Variants in TENM4 observed in about 807,000 individuals in gnomAD.
TENM4 encodes teneurin-4.
Under a neutral mutation model 243.3 loss-of-function variants are expected in TENM4, and 82 were observed. That is an observed-to-expected ratio of 0.34 (90% CI 0.28 to 0.40). TENM4 has a LOEUF of 0.40. Among genes scored for constraint, TENM4 ranks in the 10% least tolerant of loss-of-function variants. The pLI is 1.00. For missense variants in TENM4, 3,138 were observed against 3,673.3 expected (o/e 0.85, Z 3.77); for synonymous variants, 1,412 against 1,456.3 (o/e 0.97, Z 0.69).
chr11:79,005,849 C>T (rs1294000858), intron 6 of TENM4, among the ~76,000 whole-genome samples: 18 of 152,172 alleles, frequency 1.2e-4, no homozygotes, highest in Non-Finnish European at 5.9e-5. Flanking sequence ...GAAAACTCCA[C>T]AGTTTCTACC....
intron 13 of TENM4, 79 bp from the exon 14 acceptor site, chr11:78,812,395 C>T (rs1857519366): frequency 1.2e-5 from 18 of 1,492,650 alleles, no homozygotes; most frequent in Non-Finnish European, 1.6e-5. Flanking sequence ...CTCCTCCTGG[C>T]CTGCCTGGCT....
chr11:79,345,957 A>G (rs755697786), intron 1 of TENM4, among the ~76,000 whole-genome samples: 7 of 152,338 alleles, frequency 4.6e-5, no homozygotes, highest in Non-Finnish European at 1.0e-4. Context: ...ACTTATTGAA[A>G]TAGATTCTCA....
intron 21 of TENM4, among the ~76,000 whole-genome samples, chr11:78,732,022 A>C (rs1357795718): frequency 6.6e-6 from 1 of 152,248 alleles, no homozygotes; most frequent in Non-Finnish European, 1.5e-5. Context: ...AAAGGAAAGT[A>C]GGCAGAAGTG....
intron 32 of TENM4, among the ~76,000 whole-genome samples, chr11:78,663,033 G>A (rs1361036829): frequency 1.3e-5 from 2 of 152,194 alleles, no homozygotes; most frequent in Admixed American, 6.5e-5. Flanking sequence ...AGCTCAGCAA[G>A]GTTGAGAAAG....
chr11:78,866,563 G>C (rs1309856047), intron 9 of TENM4, among the ~76,000 whole-genome samples: 2 of 151,182 alleles, frequency 1.3e-5, no homozygotes, highest in Non-Finnish European at 2.9e-5. Flanking sequence ...TCCCAGGGAA[G>C]TTAATGAGGG....
intron 3 of TENM4, among the ~76,000 whole-genome samples, chr11:79,150,656 G>T (rs1358030520): frequency 6.6e-6 from 1 of 151,996 alleles, no homozygotes; most frequent in Non-Finnish European, 1.5e-5. Context: ...GGCCTCTCTG[G>T]GTCATTTGCT....
chr11:79,377,569 T>A (rs1017030319), intron 1 of TENM4, among the ~76,000 whole-genome samples: 1 of 152,176 alleles, frequency 6.6e-6, no homozygotes, highest in African/African-American at 2.4e-5. Flanking sequence ...GACACATACA[T>A]GCAATCCCTA....
chr11:78,932,866 A>C (rs1220100724), intron 6 of TENM4, among the ~76,000 whole-genome samples: 2 of 152,154 alleles, frequency 1.3e-5, no homozygotes, highest in Non-Finnish European at 2.9e-5. Flanking sequence ...CAGGAGGCGG[A>C]GCTCAGGTGG....
chr11:78,691,338 G>A (rs567957312), intron 28 of TENM4, among the ~76,000 whole-genome samples: 2 of 152,286 alleles, frequency 1.3e-5, no homozygotes, highest in East Asian at 1.9e-4. Context: ...AGAGAGGACC[G>A]GCAGGGAATG....
intron 17 of TENM4, among the ~76,000 whole-genome samples, chr11:78,772,125 C>T (rs1856658624): frequency 6.6e-6 from 1 of 152,094 alleles, no homozygotes; most frequent in African/African-American, 2.4e-5. Context: ...AAGGGTCAGG[C>T]AATATTTAGA....
chr11:79,332,523 C>T (rs898688875), intron 1 of TENM4, among the ~76,000 whole-genome samples: 2 of 152,072 alleles, frequency 1.3e-5, no homozygotes, highest in African/African-American at 2.4e-5. Flanking sequence ...GCCGGCCCAC[C>T]GAAATCCATC....
intron 4 of TENM4, among the ~76,000 whole-genome samples, chr11:79,087,832 T>C (rs1271757722): frequency 3.9e-5 from 6 of 152,316 alleles, no homozygotes; most frequent in Non-Finnish European, 2.9e-5. Flanking sequence ...CACCAGGGTA[T>C]ACAGGACAAA....
intron 7 of TENM4, among the ~76,000 whole-genome samples, chr11:78,896,648 G>T (rs1475851567): frequency 6.6e-6 from 1 of 152,086 alleles, no homozygotes; most frequent in Non-Finnish European, 1.5e-5. Flanking sequence ...TCCTGGCTCT[G>T]TGCCTATCTC....
rs1406682804 is a variant in TENM4 at position 79,215,874 on chromosome 11, G to A, written c.-229C>T. 4.9e-5 allele frequency: 48 copies of A among 985,594 alleles called. No homozygotes were observed. The highest frequency in any genetic ancestry group is 5.8e-5 in the Non-Finnish European group (48 of 829,804). 61.1% of individuals were successfully genotyped at this position (985,594 alleles called of 1,614,324 possible). A position where few individuals can be genotyped will look rare whatever the true frequency, so the allele number is the denominator to read the frequency against. ...GTGGGCCCTGCAGCCCTCTCTCCAA[G>A]GCCATTGGATCCTGGAGGATGGTGC... On this transcript the variant is annotated 5_prime_UTR_variant, in exon 3 of 34. Coordinates refer to ENST00000278550, the MANE Select transcript of TENM4 (RefSeq NM_001098816.3).
At chr11:79,172,361 G>T (rs1043832261) in intron 3 of TENM4, among the ~76,000 whole-genome samples, 6 of 152,130 alleles carry the variant, frequency 3.9e-5, no homozygotes, top group African/African-American at 1.4e-4. Context: ...GGGTGACCAG[G>T]GACACCGTTA....
intron 15 of TENM4, 113 bp from the exon 16 acceptor site, chr11:78,787,196 TTG>T (rs1856959108): frequency 1.6e-6 from 2 of 1,287,404 alleles, no homozygotes; most frequent in Non-Finnish European, 2.1e-6. Flanking sequence ...CAAGTTATTG[TTG>T]GAAACCAAAG....
intron 1 of TENM4, among the ~76,000 whole-genome samples, chr11:79,429,910 A>G (rs1859131060): frequency 6.6e-6 from 1 of 152,230 alleles, no homozygotes; most frequent in Non-Finnish European, 1.5e-5. Context: ...TGTTATGGAA[A>G]AGAAAACTAT....
At chr11:79,364,594 AT>A (rs751187838) in intron 1 of TENM4, among the ~76,000 whole-genome samples, 1 of 152,256 alleles carries the variant, frequency 6.6e-6, no homozygotes, top group South Asian at 2.1e-4. Context: ...AAAACAAAAA[AT>A]AATGAGCACT....
At chr11:79,144,477 T>C (rs1311517052) in intron 4 of TENM4, among the ~76,000 whole-genome samples, 2 of 152,068 alleles carry the variant, frequency 1.3e-5, no homozygotes. Context: ...ATATCTGCAC[T>C]TCCATGTGTA....
Sources: gnomAD v4.1 joint callset for allele counts (sites outside exome capture counted in the v4.1 genomes callset) on GRCh38, gnomAD v4.1.1 for gene constraint, MANE v1.5 for transcripts, NCBI Gene and HGNC (gene_info 2026-07-23, HGNC 2026-07-21) for gene names.